The following DPY19L2 variants were observed in gnomAD, a reference collection of about 807,000 sequenced individuals.
DPY19L2 encodes the protein probable C-mannosyltransferase DPY19L2.
A neutral mutation model predicts 97.9 loss-of-function variants in DPY19L2; 34 were observed. The ratio of observed to expected loss-of-function variants is 0.35; its 90% CI spans 0.26 to 0.46. The LOEUF is 0.46. Ranked by LOEUF, DPY19L2 falls within the 20% of genes least tolerant of loss-of-function variation. The pLI is 1.00. For synonymous variants in DPY19L2, 230 were observed against 307.9 expected, an observed-to-expected ratio of 0.75 and a Z score of 2.65; for missense variants, 623 against 911.4, an observed-to-expected ratio of 0.68 and a Z score of 4.07.
chr12:63,650,763 A>G (rs1419979952), intron 4 of DPY19L2, among the ~76,000 whole-genome samples: 1 of 152,166 alleles, frequency 6.6e-6, no homozygotes, highest in African/African-American at 2.4e-5. Context: ...TCACCATATT[A>G]CCAAAAGCAA....
chr12:63,566,231 T>A (rs4763092), intron 21 of DPY19L2, among the ~76,000 whole-genome samples: 79,930 of 151,446 alleles, frequency 0.53, 22,937 homozygotes, highest in African/African-American at 0.77. Context: ...TTTGTTTTTT[T>A]AAAAAAACTT....
At chr12:63,564,255 C>G (rs1380507999) in intron 21 of DPY19L2, among the ~76,000 whole-genome samples, 1 of 152,058 alleles carries the variant, frequency 6.6e-6, no homozygotes, top group Non-Finnish European at 1.5e-5. Context: ...AATCTTTATG[C>G]TTTCTTTTCT....
chr12:63,634,694 A>T (rs1219800669), intron 6 of DPY19L2, among the ~76,000 whole-genome samples: 3 of 152,152 alleles, frequency 2.0e-5, no homozygotes, highest in African/African-American at 7.2e-5. Context: ...CTAGCACAGC[A>T]GTCTGAGATC....
chr12:63,633,894 T>C (rs1313845559), intron 6 of DPY19L2, among the ~76,000 whole-genome samples: 1 of 152,158 alleles, frequency 6.6e-6, no homozygotes, highest in African/African-American at 2.4e-5. Flanking sequence ...TAAAAAATGA[T>C]GAGTTCACAT....
chr12:63,587,359 T>C (rs1442507606), intron 16 of DPY19L2, among the ~76,000 whole-genome samples: 3 of 151,436 alleles, frequency 2.0e-5, no homozygotes, highest in African/African-American at 7.3e-5. Flanking sequence ...AAAAATAAGT[T>C]GATGTACTAG....
At chr12:63,566,810 T>C (rs1239785606) in intron 21 of DPY19L2, among the ~76,000 whole-genome samples, 1 of 151,962 alleles carries the variant, frequency 6.6e-6, no homozygotes, top group Non-Finnish European at 1.5e-5. Flanking sequence ...AAATGCCCAA[T>C]ACAATTGCTG....
chr12:63,563,840 T>C (rs996087961), intron 21 of DPY19L2, among the ~76,000 whole-genome samples: 1 of 152,180 alleles, frequency 6.6e-6, no homozygotes, highest in East Asian at 1.9e-4. Flanking sequence ...TGGAATTATT[T>C]CCAGTGAAGA....
At chr12:63,609,849 T>A (rs1205637406) in intron 11 of DPY19L2, among the ~76,000 whole-genome samples, 1 of 152,166 alleles carries the variant, frequency 6.6e-6, no homozygotes, top group East Asian at 1.9e-4. Context: ...CAATTTTGTA[T>A]CATTTAGTTG....
At chr12:63,658,388 G>A (rs114897904) in intron 4 of DPY19L2, among the ~76,000 whole-genome samples, 1,957 of 152,038 alleles carry the variant, frequency 0.013, 42 homozygotes, top group African/African-American at 0.043. Flanking sequence ...CCAGCTATTC[G>A]GAGGCTGAGG....
intron 11 of DPY19L2, among the ~76,000 whole-genome samples, chr12:63,614,461 CTG>C (rs1356922117): frequency 6.6e-6 from 1 of 152,024 alleles, no homozygotes; most frequent in African/African-American, 2.4e-5. Context: ...ATGCAATACT[CTG>C]TTCTGACAAT....
At chr12:63,594,902 A>C (rs1224156372) in intron 15 of DPY19L2, among the ~76,000 whole-genome samples, 1 of 152,184 alleles carries the variant, frequency 6.6e-6, no homozygotes, top group Non-Finnish European at 1.5e-5. Context: ...ATGGAAAAGA[A>C]ACAGGCCAGT....
chr12:63,657,662 C>G (rs573855196), intron 4 of DPY19L2, among the ~76,000 whole-genome samples: 1 of 152,114 alleles, frequency 6.6e-6, no homozygotes, highest in South Asian at 2.1e-4. Flanking sequence ...TCATGGCTTT[C>G]TTTTCCTTAG....
chr12:63,579,045 C>T (rs1442170977), intron 19 of DPY19L2, among the ~76,000 whole-genome samples: 1 of 152,064 alleles, frequency 6.6e-6, no homozygotes. Flanking sequence ...AGAGCTGGAC[C>T]CACTGAGTTG....
At chr12:63,570,930 T>C (rs2137288751) in intron 19 of DPY19L2, 73 bp from the exon 20 acceptor site, 1 of 1,475,566 alleles carries the variant, frequency 6.8e-7, no homozygotes, top group African/African-American at 1.4e-5. Context: ...TTACCTCTAA[T>C]ATGTGAACCC....
rs181185180 is a variant in DPY19L2, at chr12:63,580,794, T to C, written c.1768A>G (p.Ile590Val). The C allele has an allele frequency of 2.5e-6, 4 of 1,613,356 alleles. No homozygotes were observed. Among genetic ancestry groups the C allele is most frequent in the Non-Finnish European group, 3.4e-6 (4 of 1,179,606 alleles). The change falls in exon 19 of 22, where the codon ATC (isoleucine) becomes GTC (valine). Residue 590 changes from isoleucine to valine, a missense_variant. Ile to Val is a conservative substitution (Grantham distance 29). Coordinates refer to ENST00000324472, the MANE Select transcript of DPY19L2 (RefSeq NM_173812.5). Reference sequence around the variant, plus strand: ...GACATCACTGTTAAAATGCCAAAGATAACCTTCTCAAAACGAACTCTGCGA... The same window carrying C: ...GACATCACTGTTAAAATGCCAAAGACAACCTTCTCAAAACGAACTCTGCGA... The part of the protein sequence containing the change: ...LFRRVRFEKV[I>V]FGILTVMSIQ...
chr12:63,628,514 G>C (rs945063688), intron 6 of DPY19L2, among the ~76,000 whole-genome samples: 1 of 152,098 alleles, frequency 6.6e-6, no homozygotes, highest in Admixed American at 6.5e-5. Flanking sequence ...CAGCGAGGAT[G>C]GGGGAGGGGC....
chr12:63,569,497 A>T, intron 20 of DPY19L2, 148 bp from the exon 21 acceptor site: 1 of 579,406 alleles, frequency 1.7e-6, no homozygotes, highest in Non-Finnish European at 2.8e-6. Flanking sequence ...TATTTTGGGG[A>T]TGGCAGTTTC....
At chr12:63,648,680 C>T (rs557391620) in intron 4 of DPY19L2, among the ~76,000 whole-genome samples, 52 of 152,060 alleles carry the variant, frequency 3.4e-4, no homozygotes, top group African/African-American at 1.2e-3. Context: ...CTGAAAGCAA[C>T]AAGATGGTGC....
chr12:63,589,568 A>G (rs1882517913), intron 16 of DPY19L2, among the ~76,000 whole-genome samples: 1 of 151,996 alleles, frequency 6.6e-6, no homozygotes, highest in Non-Finnish European at 1.5e-5. Context: ...CTATGTCACT[A>G]TACCACAAAA....
Sources: gnomAD v4.1 joint callset for allele counts (sites outside exome capture counted in the v4.1 genomes callset) on GRCh38, gnomAD v4.1.1 for gene constraint, MANE v1.5 for transcripts, NCBI Gene and HGNC (gene_info 2026-07-23, HGNC 2026-07-21) for gene names.